Variants in LHX8 observed in about 807,000 individuals in gnomAD.
LHX8 encodes LIM/homeobox protein Lhx8.
Under a neutral mutation model 40.3 loss-of-function variants are expected in LHX8, and 12 were observed. The ratio of observed to expected loss-of-function variants is 0.30; its 90% confidence interval spans 0.19 to 0.48. The LOEUF is 0.48. LHX8 is among the 20% of genes least tolerant of loss of function. The pLI is 0.99. For missense variants in LHX8, 344 were observed against 433.7 expected, an observed-to-expected ratio of 0.79 and a Z score of 1.84; for synonymous variants, 179 against 162.0, an observed-to-expected ratio of 1.10 and a Z score of -0.80.
rs202128428 is a variant in LHX8, at chr1:75,146,239, T to TA, written c.684+2292dup. Among the ~76,000 whole-genome samples the TA allele has an allele frequency of 5.2e-4, 79 of 152,264 alleles. No individual in the cohort carries two copies. The East Asian group carries it at 0.013, about 24-fold the overall frequency. The stretch of plus-strand genomic sequence containing the variant: ...GACCAGTGAGTAAGTCAAGACTATC[T>TA]AGTCAGTACCTGCTTTGGACAGAGG... On this transcript the variant is annotated intron_variant, in intron 6 of 8. Coordinates refer to ENST00000356261, the MANE Select transcript of LHX8 (RefSeq NM_001256114.2).
chr1:75,186,942 T>G, the LHX8 span, among the ~76,000 whole-genome samples: 2 of 152,198 alleles, frequency 1.3e-5, no homozygotes, highest in African/African-American at 4.8e-5. Context: ...CCCTGCTGAT[T>G]AACTGCAGTA....
At chr1:75,132,756 A>ACACAC (rs1648006149), upstream of LHX8, 1 of 146,044 alleles carries the variant, frequency 6.8e-6, no homozygotes. Context: ...TTTAAACCCT[A>ACACAC]ACACACACAC....
chr1:75,157,650 C>T (rs1182091833), intron 8 of LHX8, among the ~76,000 whole-genome samples: 2 of 152,160 alleles, frequency 1.3e-5, no homozygotes, highest in African/African-American at 4.8e-5. Context: ...CTAAAACCAC[C>T]CTTTAGTTTT....
rs929370469 is a variant in LHX8, at chr1:75,151,846, C to T, written c.780+3164C>T. ...TTCATATTTGAAGGACTAAGGAACA[C>T]AGGCAGACATCTGTCATGTAATTTC... is the stretch of plus-strand genomic sequence containing the variant. On this transcript the variant is annotated intron_variant, in intron 7 of 8. Coordinates refer to ENST00000356261, the MANE Select transcript of LHX8 (RefSeq NM_001256114.2). Among the ~76,000 whole-genome samples the T allele has an allele frequency of 9.2e-5, 14 of 152,206 alleles. No homozygotes were observed. The East Asian group carries it at 2.7e-3, about 29-fold the overall frequency.
upstream of LHX8, chr1:75,130,833 G>A: frequency 2.5e-6 from 3 of 1,183,174 alleles, no homozygotes; most frequent in East Asian, 4.7e-5. Context: ...CCAAAGACAC[G>A]GTCTCCTAAC....
chr1:75,180,058 A>G, the LHX8 span, among the ~76,000 whole-genome samples: 1 of 152,164 alleles, frequency 6.6e-6, no homozygotes, highest in Non-Finnish European at 1.5e-5. Flanking sequence ...CCAAGAGATC[A>G]GCTGTTAGTC....
At chr1:75,141,425 G>A (rs1217651661) in intron 4 of LHX8, among the ~76,000 whole-genome samples, 4 of 152,064 alleles carry the variant, frequency 2.6e-5, no homozygotes, top group Non-Finnish European at 5.9e-5. Context: ...GATGACTTAT[G>A]ACAACGCCCC....
At chr1:75,198,737 T>G in the LHX8 span, among the ~76,000 whole-genome samples, 1 of 152,210 alleles carries the variant, frequency 6.6e-6, no homozygotes, top group Non-Finnish European at 1.5e-5. Flanking sequence ...AAGTCTTCAT[T>G]TTCATAATTT....
chr1:75,156,138 T>A (rs1257903128), intron 7 of LHX8, among the ~76,000 whole-genome samples: 1 of 152,160 alleles, frequency 6.6e-6, no homozygotes, highest in Non-Finnish European at 1.5e-5. Flanking sequence ...AGATGCTGTT[T>A]TAGTATAGAA....
the LHX8 span, among the ~76,000 whole-genome samples, chr1:75,180,668 C>T: frequency 2.0e-4 from 31 of 152,230 alleles, no homozygotes; most frequent in African/African-American, 7.0e-4. Flanking sequence ...TTGTTATTAC[C>T]GACTTTCTGA....
At chr1:75,198,142 C>A in the LHX8 span, among the ~76,000 whole-genome samples, 1 of 151,980 alleles carries the variant, frequency 6.6e-6, no homozygotes, top group Non-Finnish European at 1.5e-5. Context: ...CATCAGTGAC[C>A]CAAGAATTCA....
the LHX8 span, among the ~76,000 whole-genome samples, chr1:75,183,745 C>G: frequency 6.6e-6 from 1 of 152,156 alleles, no homozygotes; most frequent in Non-Finnish European, 1.5e-5. Flanking sequence ...CACCTAACAA[C>G]AGAATGACAG....
chr1:75,182,717 A>G, the LHX8 span, among the ~76,000 whole-genome samples: 2 of 152,104 alleles, frequency 1.3e-5, no homozygotes, highest in Non-Finnish European at 2.9e-5. Context: ...TTTTGTAACT[A>G]TAGCCTTGTA....
upstream of LHX8, chr1:75,130,373 T>G: frequency 2.3e-6 from 1 of 443,494 alleles, no homozygotes; most frequent in South Asian, 2.8e-5. Flanking sequence ...CAGAACCGCT[T>G]GAAACAACTG....
At chr1:75,162,692 C>T (rs186949414), downstream of LHX8, among the ~76,000 whole-genome samples, 116 of 152,114 alleles carry the variant, frequency 7.6e-4, 1 homozygote, top group Admixed American at 5.6e-3. Flanking sequence ...TTTATATATC[C>T]TGAATATAAA....
chr1:75,174,962 C>T, the LHX8 span, among the ~76,000 whole-genome samples: 2 of 152,118 alleles, frequency 1.3e-5, no homozygotes, highest in African/African-American at 4.8e-5. Flanking sequence ...TCCCTCACCC[C>T]CTCCTACCCT....
chr1:75,172,066 T>C, the LHX8 span, among the ~76,000 whole-genome samples: 1 of 152,108 alleles, frequency 6.6e-6, no homozygotes, highest in East Asian at 1.9e-4. Context: ...TGCCAAAGCT[T>C]CCCCCATCTT....
chr1:75,176,050 T>G, the LHX8 span, among the ~76,000 whole-genome samples: 3 of 152,366 alleles, frequency 2.0e-5, no homozygotes, highest in African/African-American at 7.2e-5. Flanking sequence ...ATGTGCCACA[T>G]TTTCTTAATT....
Position 75,160,749 on chromosome 1 carries a change from T to A in LHX8, c.965-70T>A, listed in dbSNP as rs1648895470. On this transcript the variant is annotated intron_variant, in intron 8 of 8. Transcript: ENST00000356261. ...TGATGAAAACAATGCCTTGGATTGT[T>A]TTTGTTTGTTTATAAATCAGTTTTA... is the stretch of plus-strand genomic sequence containing the variant. 7.7e-6 allele frequency: 8 copies of A among 1,033,370 alleles called. No individual in the cohort carries two copies. In the Admixed American group the frequency reaches 1.4e-4, roughly 17 times the overall value. The allele number at this position is 1,033,370 out of a possible 1,614,324, so 64.0% of individuals were successfully genotyped here. A position where few individuals can be genotyped will look rare whatever the true frequency, so the allele number is the denominator to read the frequency against.
Sources: allele counts gnomAD v4.1 joint callset (sites outside exome capture counted in the v4.1 genomes callset), GRCh38; gene constraint gnomAD v4.1.1; transcripts MANE v1.5; gene names NCBI Gene and HGNC (gene_info 2026-07-23, HGNC 2026-07-21).